NBPF15: variants seen among roughly 807,000 people sequenced by gnomAD.
NBPF15 encodes NBPF member 15.
In NBPF15, 74 loss-of-function variants were observed where a neutral mutation model predicts 62.2. The ratio of observed to expected loss-of-function variants is 1.19; its 90% CI spans 0.99 to 1.44. The LOEUF is 1.44. Ranked by LOEUF, NBPF15 falls within the 40% of genes most tolerant of loss-of-function variation. The pLI, the probability that NBPF15 is intolerant of heterozygous loss-of-function variation, is 0.00. For synonymous variants in NBPF15, 244 were observed against 209.7 expected, an observed-to-expected ratio of 1.16 and a Z score of -1.41; for missense variants, 790 against 550.0, an observed-to-expected ratio of 1.44 and a Z score of -4.36.
intron 12 of NBPF15, among the ~76,000 whole-genome samples, chr1:144,434,494 C>G (rs1676737091): frequency 1.5e-5 from 2 of 129,146 alleles, no homozygotes; most frequent in South Asian, 5.4e-4. Context: ...GAGCAAGACT[C>G]CATCGCAAAA....
At chr1:144,437,239 G>A (rs1679187130) in intron 9 of NBPF15, 130 bp from the exon 10 acceptor site, 3 of 935,848 alleles carry the variant, frequency 3.2e-6, no homozygotes, top group Admixed American at 3.6e-5. Context: ...CATGTTTAAA[G>A]GAATGTCTGT....
At chr1:144,428,316 G>A (rs1295713613) in intron 15 of NBPF15, among the ~76,000 whole-genome samples, 9 of 151,798 alleles carry the variant, frequency 5.9e-5, no homozygotes, top group East Asian at 5.8e-4. Flanking sequence ...ATCATGAAAA[G>A]CATGTCCTCA....
chr1:144,423,224 G>A lies in NBPF15; in HGVS notation c.1802C>T (p.Pro601Leu), dbSNP rs782183445. 1.2e-6 allele frequency: 2 copies of A among 1,611,558 alleles called. No individual in the cohort carries two copies. Among genetic ancestry groups the A allele is most frequent in the South Asian group, 2.2e-5 (2 of 90,958 alleles). ...ATCCAGTGAGTCCTGTAAGACTTCA[G>A]GCTCTTCCACTTCCATCAGCACGCC... is the stretch of plus-strand genomic sequence containing the variant. ...LYGVLMEVEE[P>L]EVLQDSLDRC... is the part of the protein sequence containing the mutation. Residue 601 changes from proline to leucine, a missense_variant, in exon 22 of 22, where the codon CCT (proline) becomes CTT (leucine). By Grantham distance (98) the Pro-to-Leu change is moderately conservative. Coordinates refer to ENST00000581897, the MANE Select transcript of NBPF15 (RefSeq NM_001385408.1).
intron 14 of NBPF15, among the ~76,000 whole-genome samples, chr1:144,429,077 T>C (rs1354828495): frequency 6.6e-6 from 1 of 151,894 alleles, no homozygotes; most frequent in Non-Finnish European, 1.5e-5. Flanking sequence ...TACCAGCTCT[T>C]GAGTCAAAAT....
chr1:144,423,929 T>C lies in NBPF15; in HGVS notation c.1710A>G (p.Ser570=). 1 of 793,884 alleles carries C rather than the reference T, an allele frequency of 1.3e-6. No individual in the cohort carries two copies. Among genetic ancestry groups the C allele is most frequent in the Admixed American group, 1.7e-5 (1 of 58,988 alleles). The allele number at this position is 793,884 out of a possible 1,614,324, so 49.2% of individuals were successfully genotyped here. ...TTCTTCCCCTTCTTCTTTTCTTCTTTGATCTTCTTCCCCTTCTTTTCTTCC... is the reference window on the plus strand; with the variant it reads ...TTCTTCCCCTTCTTCTTTTCTTCTTCGATCTTCTTCCCCTTCTTTTCTTCC... ...GKGKKRRGRR[S]KKKRRRGRKE... is the part of the protein sequence containing the mutation. The change falls in exon 21 of 22, where the codon TCA becomes TCG. Residue 570 remains serine (S), a synonymous_variant. Coordinates refer to ENST00000581897, the MANE Select transcript of NBPF15 (RefSeq NM_001385408.1).
chr1:144,439,923 C>G lies in NBPF15; in HGVS notation c.81G>C (p.Gln27His), dbSNP rs1177049303. 3 of 1,611,458 alleles carry G rather than the reference C, an allele frequency of 1.9e-6. No individual in the cohort carries two copies. Among genetic ancestry groups the G allele is most frequent in the Non-Finnish European group, 2.5e-6 (3 of 1,179,282 alleles). ...ILEINEKLRPQLAEKKQQFRN... is the reference protein window; with the variant it reads ...ILEINEKLRPHLAEKKQQFRN... The stretch of plus-strand genomic sequence containing the variant: ...TGAACTGCTGTTTCTTCTCTGCCAA[C>G]TGGGGGCGCAATTTCTCATTGATTT... Residue 27 changes from glutamine to histidine, a missense_variant, in exon 8 of 22, where the codon CAG (glutamine) becomes CAC (histidine). Transcript: ENST00000581897.
In NBPF15 at chr1:144,461,447, A is replaced by T. The variant is rs1653025151; in HGVS notation, c.-1004T>A. Reference sequence around the variant, plus strand: ...TGGGTGGACTTCGCTGTAAACCGTAACTTCCCATCCAGACGGCATCCGTGC... The same window carrying T: ...TGGGTGGACTTCGCTGTAAACCGTATCTTCCCATCCAGACGGCATCCGTGC... On this transcript the variant is annotated 5_prime_UTR_variant, in exon 1 of 22. Transcript: ENST00000581897. 3 of 152,146 alleles carry T rather than the reference A, an allele frequency of 2.0e-5. No individual in the cohort carries two copies. Among genetic ancestry groups the T allele is most frequent in the Admixed American group, 2.0e-4 (3 of 15,280 alleles). 9.4% of individuals were successfully genotyped at this position (152,146 alleles called of 1,614,324 possible).
intron 13 of NBPF15, among the ~76,000 whole-genome samples, chr1:144,433,244 T>G (rs1245863034): frequency 1.3e-5 from 2 of 151,966 alleles, no homozygotes; most frequent in African/African-American, 2.4e-5. Flanking sequence ...AGATGTTCTT[T>G]GAAACCAATG....
intron 6 of NBPF15, among the ~76,000 whole-genome samples, chr1:144,445,962 T>A (rs1396417504): frequency 6.8e-6 from 1 of 147,292 alleles, no homozygotes; most frequent in East Asian, 2.0e-4. Context: ...GTTCAAGTGA[T>A]CCTCCTGCCT....
intron 3 of NBPF15, among the ~76,000 whole-genome samples, chr1:144,457,490 C>T (rs11486116): frequency 0.024 from 3,653 of 152,056 alleles, 169 homozygotes; most frequent in African/African-American, 0.083. Context: ...TGTATACAAG[C>T]TATTTTATTT....
chr1:144,423,356 A>G lies in NBPF15; in HGVS notation c.1770-100T>C. On this transcript the variant is annotated intron_variant, in intron 21 of 21. Transcript: ENST00000581897. ...TAATATAAGGAAGTGGTTAGAAAAG[A>G]AAAAGGATAGATTCATTAATGAGGT... is the stretch of plus-strand genomic sequence containing the variant. The G allele has an allele frequency of 6.2e-6, 10 of 1,604,666 alleles. No homozygotes were observed. The South Asian group carries it at 9.0e-5, about 14-fold the overall frequency.
chr1:144,457,762 T>G (rs28583112), intron 3 of NBPF15, among the ~76,000 whole-genome samples: 2 of 152,070 alleles, frequency 1.3e-5, no homozygotes, highest in African/African-American at 4.8e-5. Context: ...GAGATTTTAG[T>G]AAATCTTTTA....
At chr1:144,440,893 T>A (rs1682442672) in intron 6 of NBPF15, among the ~76,000 whole-genome samples, 1 of 151,610 alleles carries the variant, frequency 6.6e-6, no homozygotes, top group African/African-American at 2.4e-5. Context: ...ATGGTCTCGA[T>A]CTCCTGACCT....
intron 6 of NBPF15, among the ~76,000 whole-genome samples, chr1:144,447,733 A>G (rs1165077943): frequency 2.6e-5 from 4 of 152,094 alleles, no homozygotes; most frequent in Non-Finnish European, 4.4e-5. Flanking sequence ...CTCAACCAGG[A>G]GTCAAGATAT....
At chr1:144,423,304 C>G (rs1553538621) in intron 21 of NBPF15, 48 bp from the exon 22 acceptor site, 1 of 1,611,132 alleles carries the variant, frequency 6.2e-7, no homozygotes, top group Non-Finnish European at 8.5e-7. Context: ...AAATCAGACA[C>G]CACAGAGCCC....
chr1:144,457,191 T>C (rs1239956936), intron 3 of NBPF15, among the ~76,000 whole-genome samples: 3 of 151,920 alleles, frequency 2.0e-5, no homozygotes, highest in Admixed American at 1.3e-4. Context: ...AATACTTGAG[T>C]AGCCAGGGAA....
chr1:144,423,344 T>C lies in NBPF15; in HGVS notation c.1770-88A>G. The C allele has an allele frequency of 2.1e-5, 33 of 1,603,710 alleles. 1 individual carries two copies. Among genetic ancestry groups the C allele is most frequent in the Non-Finnish European group, 2.7e-5 (32 of 1,177,704 alleles). On this transcript the variant is annotated intron_variant, in intron 21 of 21. Coordinates refer to ENST00000581897, the MANE Select transcript of NBPF15 (RefSeq NM_001385408.1). Reference sequence around the variant, plus strand: ...AGATTTCAGAAGTAATATAAGGAAGTGGTTAGAAAAGAAAAAGGATAGATT... The same window carrying C: ...AGATTTCAGAAGTAATATAAGGAAGCGGTTAGAAAAGAAAAAGGATAGATT...
chr1:144,440,608 TA>T (rs1269950182), intron 6 of NBPF15: 2 of 186,130 alleles, frequency 1.1e-5, no homozygotes, highest in African/African-American at 2.4e-5. Flanking sequence ...AAATCATAAA[TA>T]AAAAAATAGA....
In NBPF15 at chr1:144,445,354, T is replaced by TACAC. The variant is rs57409765; in HGVS notation, c.-191+3417_-191+3420dup. Among the ~76,000 whole-genome samples, 53 of 104,450 alleles carry TACAC rather than the reference T, an allele frequency of 5.1e-4. 3 individuals are homozygous for TACAC. The highest frequency in any genetic ancestry group is 3.0e-3 in the East Asian group (12 of 4,046). 68.5% of individuals were successfully genotyped at this position (104,450 alleles called of 152,430 possible). A position where few individuals can be genotyped will look rare whatever the true frequency, so the allele number is the denominator to read the frequency against. On this transcript the variant is annotated intron_variant, in intron 6 of 21. Transcript: ENST00000581897. ...GTGAATATATATATATATATATATA[T>TACAC]ACACACACACACACACACACACACA...
Sources: allele counts gnomAD v4.1 joint callset (sites outside exome capture counted in the v4.1 genomes callset), GRCh38; gene constraint gnomAD v4.1.1; transcripts MANE v1.5; gene names NCBI Gene and HGNC (gene_info 2026-07-23, HGNC 2026-07-21).